XKR4: variants seen among roughly 807,000 people sequenced by gnomAD.
XKR4 encodes the protein XK-related protein 4.
XKR4 carries 12 observed loss-of-function variants against 53.9 expected under a neutral mutation model. The observed-to-expected ratio is 0.22, with a 90% CI of 0.14 to 0.36. The LOEUF (loss-of-function observed/expected upper bound fraction) is 0.36, where lower values mean the gene tolerates loss of function less well. Among genes scored for constraint, XKR4 ranks in the 10% least tolerant of loss-of-function variants. XKR4 has a pLI of 1.00. For missense variants in XKR4, 799 were observed against 859.5 expected (o/e 0.93, Z 0.88); for synonymous variants, 354 against 362.4 (o/e 0.98, Z 0.26).
intron 1 of XKR4, among the ~76,000 whole-genome samples, chr8:55,230,669 G>A (rs1217679958): frequency 6.6e-6 from 1 of 152,156 alleles, no homozygotes; most frequent in Non-Finnish European, 1.5e-5. Context: ...TGCCCAGCTG[G>A]ATGAGACATT....
chr8:55,308,606 A>C (rs1277677350), intron 1 of XKR4, among the ~76,000 whole-genome samples: 1 of 152,210 alleles, frequency 6.6e-6, no homozygotes, highest in Non-Finnish European at 1.5e-5. Context: ...GGGTGGGGAC[A>C]CAGAGACAAA....
chr8:55,310,415 A>G (rs891327061), intron 1 of XKR4, among the ~76,000 whole-genome samples: 1 of 152,236 alleles, frequency 6.6e-6, no homozygotes, highest in African/African-American at 2.4e-5. Flanking sequence ...TTCAAATGAA[A>G]CAATGTATAT....
rs1051460939 is a variant in XKR4, at chr8:55,342,567, CA to C, written c.807-15110del. On this transcript the variant is annotated intron_variant, in intron 1 of 2. Transcript: ENST00000327381. ...TCTGCTCTGATCTCCCACTGCCCCC[CA>C]CCGATCTGCTCCACCACTCATCTCC... Among the ~76,000 whole-genome samples, 1,321 of 152,234 alleles carry C rather than the reference CA, an allele frequency of 8.7e-3. 24 individuals are homozygous for C. Among genetic ancestry groups the C allele is most frequent in the African/African-American group, 0.029 (1,221 of 41,540 alleles).
chr8:55,521,708 G>A (rs1417328423), intron 2 of XKR4, among the ~76,000 whole-genome samples: 2 of 152,190 alleles, frequency 1.3e-5, no homozygotes, highest in South Asian at 4.1e-4. Context: ...CTTACTCAAC[G>A]AGGATGTATC....
intron 1 of XKR4, among the ~76,000 whole-genome samples, chr8:55,148,487 A>T (rs1323061784): frequency 6.6e-6 from 1 of 152,142 alleles, no homozygotes; most frequent in Non-Finnish European, 1.5e-5. Context: ...CTCCTTGATG[A>T]GGACTGTGCC....
intron 2 of XKR4, chr8:55,451,728 G>C (rs1356169856): frequency 1.2e-5 from 15 of 1,248,554 alleles, no homozygotes; most frequent in Non-Finnish European, 1.5e-5. Flanking sequence ...CCAGAGAAAT[G>C]CGGAAGGATT....
intron 2 of XKR4, among the ~76,000 whole-genome samples, chr8:55,418,908 G>A (rs1268647445): frequency 6.6e-6 from 1 of 150,444 alleles, no homozygotes; most frequent in Non-Finnish European, 1.5e-5. Flanking sequence ...TTTTTAATTA[G>A]CATTTACTTC....
chr8:55,306,973 A>T (rs1019417630), intron 1 of XKR4, among the ~76,000 whole-genome samples: 1 of 151,954 alleles, frequency 6.6e-6, no homozygotes, highest in African/African-American at 2.4e-5. Flanking sequence ...TAAGCCTCAC[A>T]CCTATACACA....
intron 2 of XKR4, chr8:55,454,057 G>T: frequency 1.2e-6 from 1 of 837,236 alleles, no homozygotes; most frequent in Non-Finnish European, 2.0e-6. Context: ...GCAGCTGATG[G>T]AAGAGCCGCA....
At chr8:55,506,020 A>G (rs1806521231) in intron 2 of XKR4, among the ~76,000 whole-genome samples, 1 of 152,232 alleles carries the variant, frequency 6.6e-6, no homozygotes, top group African/African-American at 2.4e-5. Context: ...GCTCAACATA[A>G]ATGTGTGCAA....
In XKR4 at chr8:55,497,925, G is replaced by A. The variant is rs778386827; in HGVS notation, c.1007-25356G>A. Reference sequence around the variant, plus strand: ...GCAAGACCCTACACCAGTGGCCCGGGATCTCCCAGACTCAGATCCCCATCC... The same window carrying A: ...GCAAGACCCTACACCAGTGGCCCGGAATCTCCCAGACTCAGATCCCCATCC... On this transcript the variant is annotated intron_variant, in intron 2 of 2. Coordinates refer to ENST00000327381, the MANE Select transcript of XKR4 (RefSeq NM_052898.2). Among the ~76,000 whole-genome samples the A allele has an allele frequency of 3.3e-4, 50 of 152,126 alleles. 1 individual carries two copies. Among genetic ancestry groups the A allele is most frequent in the Middle Eastern group, 6.8e-3 (2 of 294 alleles).
intron 1 of XKR4, among the ~76,000 whole-genome samples, chr8:55,308,568 A>T (rs984066433): frequency 2.0e-5 from 3 of 152,192 alleles, no homozygotes; most frequent in African/African-American, 7.2e-5. Flanking sequence ...CGTGGATATT[A>T]TGGGGATTAC....
Position 55,524,049 on chromosome 8 carries a change from A to G in XKR4, c.1775A>G (p.Glu592Gly), listed in dbSNP as rs1351460181. The change falls in exon 3 of 3, where the codon GAA (glutamate) becomes GGA (glycine). Residue 592 changes from glutamate to glycine, a missense_variant. By Grantham distance (98) the Glu-to-Gly change is moderately conservative (BLOSUM62 -2). This residue lies in a region of XKR4 where 269 missense variants were observed against 264.4 expected (regional missense o/e 1.02). Coordinates refer to ENST00000327381, the MANE Select transcript of XKR4 (RefSeq NM_052898.2). ...TPSSRPPRIE[E>G]SVIKIDLFRN... Reference sequence around the variant, plus strand: ...TCATCTCGCCCACCACGGATTGAAGAATCAGTCATTAAAATTGACTTGTTC... The same window carrying G: ...TCATCTCGCCCACCACGGATTGAAGGATCAGTCATTAAAATTGACTTGTTC... 1 of 1,614,086 alleles carries G rather than the reference A, an allele frequency of 6.2e-7. No homozygotes were observed. The highest frequency in any genetic ancestry group is 1.7e-5 in the Admixed American group (1 of 60,004).
chr8:55,122,166 T>A (rs1225484010), intron 1 of XKR4, among the ~76,000 whole-genome samples: 1 of 152,328 alleles, frequency 6.6e-6, no homozygotes, highest in East Asian at 1.9e-4. Context: ...AAGATGGCCA[T>A]GTTAATAATT....
chr8:55,169,102 C>A (rs191039327), intron 1 of XKR4, among the ~76,000 whole-genome samples: 1 of 152,182 alleles, frequency 6.6e-6, no homozygotes, highest in Non-Finnish European at 1.5e-5. Context: ...GGTAAGCAAT[C>A]AGGTTTTTAA....
chr8:55,494,854 A>T (rs1341506118), intron 2 of XKR4, among the ~76,000 whole-genome samples: 1 of 152,152 alleles, frequency 6.6e-6, no homozygotes, highest in African/African-American at 2.4e-5. Flanking sequence ...AAGCACTACA[A>T]GTTCCCCCTC....
intron 1 of XKR4, among the ~76,000 whole-genome samples, chr8:55,198,225 C>T (rs969363613): frequency 3.3e-5 from 5 of 152,168 alleles, no homozygotes; most frequent in African/African-American, 4.8e-5. Context: ...ATAATATCTG[C>T]GCTACCCTGA....
intron 2 of XKR4, among the ~76,000 whole-genome samples, chr8:55,461,607 G>A (rs952806425): frequency 8.5e-5 from 13 of 152,190 alleles, no homozygotes; most frequent in Admixed American, 1.3e-4. Flanking sequence ...CACCAGCAAC[G>A]GAACAAAGCT....
At chr8:55,108,572 G>A (rs888075874) in intron 1 of XKR4, among the ~76,000 whole-genome samples, 1 of 152,128 alleles carries the variant, frequency 6.6e-6, no homozygotes, top group South Asian at 2.1e-4. Context: ...AGAAAAACAA[G>A]TTGGTTGAAA....
Sources: allele counts gnomAD v4.1 joint callset (sites outside exome capture counted in the v4.1 genomes callset), GRCh38; gene constraint gnomAD v4.1.1; regional missense constraint gnomAD v4.1.1; transcripts MANE v1.5; gene names NCBI Gene and HGNC (gene_info 2026-07-23, HGNC 2026-07-21).